The following TLL1 variants were observed in gnomAD, a reference collection of about 807,000 sequenced individuals.
TLL1 encodes the protein tolloid-like protein 1.
TLL1 carries 49 observed loss-of-function variants against 128.2 expected under a neutral mutation model. That is an observed-to-expected ratio of 0.38 (90% confidence interval 0.30 to 0.48). The LOEUF is 0.48. Among genes scored for constraint, TLL1 ranks in the 20% least tolerant of loss-of-function variants. TLL1 has a pLI of 0.96. For missense variants in TLL1, 1,123 were observed against 1,242.0 expected, an observed-to-expected ratio of 0.90 and a Z score of 1.44; for synonymous variants, 454 against 418.8, an observed-to-expected ratio of 1.08 and a Z score of -1.03.
At chr4:165,985,156 C>T (rs369128164) in intron 1 of TLL1, among the ~76,000 whole-genome samples, 23 of 152,028 alleles carry the variant, frequency 1.5e-4, no homozygotes, top group African/African-American at 5.1e-4. Flanking sequence ...TCGAGGAAGC[C>T]GGCTGAAAAC....
intron 16 of TLL1, among the ~76,000 whole-genome samples, chr4:166,067,610 A>G (rs1740627028): frequency 1.3e-5 from 2 of 151,776 alleles, no homozygotes; most frequent in East Asian, 1.9e-4. Context: ...TCACTGATGC[A>G]TACTTAGAAC....
intron 20 of TLL1, among the ~76,000 whole-genome samples, chr4:166,100,513 C>G (rs1288522671): frequency 6.6e-6 from 1 of 152,088 alleles, no homozygotes; most frequent in Admixed American, 6.6e-5. Context: ...ATGTTCAGAG[C>G]TCAGCTACAT....
At chr4:165,980,969 C>T (rs1466835241) in intron 1 of TLL1, among the ~76,000 whole-genome samples, 1 of 152,050 alleles carries the variant, frequency 6.6e-6, no homozygotes, top group Non-Finnish European at 1.5e-5. Flanking sequence ...TTGGTTTGTT[C>T]TGTAAGCCTC....
At chr4:166,012,344 A>G (rs974028597) in intron 7 of TLL1, among the ~76,000 whole-genome samples, 2 of 151,612 alleles carry the variant, frequency 1.3e-5, no homozygotes, top group Non-Finnish European at 3.0e-5. Flanking sequence ...GAAGAAAAGC[A>G]TGAGTGACTA....
chr4:165,920,520 TG>T (rs1732997924), intron 1 of TLL1, among the ~76,000 whole-genome samples: 1 of 152,092 alleles, frequency 6.6e-6, no homozygotes, highest in Non-Finnish European at 1.5e-5. Context: ...ACAATAGAAA[TG>T]GTAGAAATAA....
At chr4:166,084,831 G>T (rs1225289453) in intron 18 of TLL1, among the ~76,000 whole-genome samples, 10 of 151,606 alleles carry the variant, frequency 6.6e-5, no homozygotes, top group African/African-American at 2.4e-4. Context: ...TCTAACTTTG[G>T]TTTTTTTGTT....
At chr4:166,025,803 C>T (rs1481678827) in intron 9 of TLL1, among the ~76,000 whole-genome samples, 1 of 151,806 alleles carries the variant, frequency 6.6e-6, no homozygotes, top group Non-Finnish European at 1.5e-5. Context: ...AAACTATTTT[C>T]AACTATAATA....
chr4:166,000,645 A>G (rs1372892530), intron 5 of TLL1, among the ~76,000 whole-genome samples: 5 of 152,206 alleles, frequency 3.3e-5, no homozygotes, highest in Non-Finnish European at 7.3e-5. Flanking sequence ...TAATCATCAG[A>G]TGCTTCAGTT....
intron 1 of TLL1, among the ~76,000 whole-genome samples, chr4:165,968,809 C>T (rs896571844): frequency 9.2e-5 from 14 of 152,094 alleles, no homozygotes; most frequent in Admixed American, 4.6e-4. Flanking sequence ...AGAGTTTCTC[C>T]CATTCTGTGA....
intron 17 of TLL1, 110 bp downstream of exon 17, chr4:166,075,113 G>A: frequency 1.3e-6 from 2 of 1,509,884 alleles, no homozygotes; most frequent in Non-Finnish European, 1.8e-6. Context: ...ATCATGGTGG[G>A]CTATCCAAAT....
At chr4:166,084,704 T>C (rs1043494054) in intron 18 of TLL1, among the ~76,000 whole-genome samples, 1 of 152,168 alleles carries the variant, frequency 6.6e-6, no homozygotes, top group Non-Finnish European at 1.5e-5. Flanking sequence ...TGTGTGGATT[T>C]ATTTCTGGAC....
intron 1 of TLL1, among the ~76,000 whole-genome samples, chr4:165,913,987 C>A (rs1375544107): frequency 6.6e-6 from 1 of 151,544 alleles, no homozygotes; most frequent in Non-Finnish European, 1.5e-5. Context: ...GCACTCCAGC[C>A]TGGATGCCTG....
In TLL1 at chr4:166,055,150, A is replaced by G. The variant is rs1739944273; in HGVS notation, c.1599A>G (p.Ile533Met). Residue 533 changes from isoleucine (I) to methionine (M), a missense_variant, in exon 13 of 21, where the codon ATA becomes ATG. Ile to Met is a conservative substitution (Grantham distance 10, BLOSUM62 1). Transcript: ENST00000061240. ...RDGTSENSPLIGRFCGYDKPE... is the reference protein window; with the variant it reads ...RDGTSENSPLMGRFCGYDKPE... ...GAACCAGTGAAAATAGCCCTTTGATAGGGCGTTTCTGTGGTTATGACAAAC... is the reference window on the plus strand; with the variant it reads ...GAACCAGTGAAAATAGCCCTTTGATGGGGCGTTTCTGTGGTTATGACAAAC... 1 of 1,613,362 alleles carries G rather than the reference A, an allele frequency of 6.2e-7. No homozygotes were observed. The highest frequency in any genetic ancestry group is 8.5e-7 in the Non-Finnish European group (1 of 1,179,686).
At position 166,014,529 on chromosome 4, in the gene TLL1, C is replaced by A. The variant is rs541355348; in HGVS notation, c.1011C>A (p.Ile337=). 1.2e-6 allele frequency: 2 copies of A among 1,612,204 alleles called. No individual in the cohort carries two copies. Among genetic ancestry groups the A allele is most frequent in the Non-Finnish European group, 1.7e-6 (2 of 1,178,690 alleles). ...GQRTRLSKGD[I]AQARKLYRCP... is the part of the protein sequence containing the mutation. ...GAACCCGTCTAAGCAAAGGAGATAT[C>A]GCACAGGCAAGAAAGCTGTATAGAT... Residue 337 remains isoleucine, a synonymous_variant, in exon 8 of 21, where the codon ATC becomes ATA. Transcript: ENST00000061240.
intron 1 of TLL1, among the ~76,000 whole-genome samples, chr4:165,894,437 A>G (rs1731573133): frequency 6.6e-6 from 1 of 152,194 alleles, no homozygotes; most frequent in Admixed American, 6.5e-5. Context: ...TTAAATAATG[A>G]AAGAAATGCA....
Position 166,001,089 on chromosome 4 carries a change from A to G in TLL1, c.633-2302A>G, listed in dbSNP as rs950444430. Among the ~76,000 whole-genome samples, 5 of 152,288 alleles carry G rather than the reference A, an allele frequency of 3.3e-5. No homozygotes were observed. The East Asian group carries it at 9.7e-4, about 30-fold the overall frequency. ...TTTGTGGAAAATCAAAAGGGCTGTC[A>G]AATGTCCTTATCCCAGAAATTGAAA... On this transcript the variant is annotated intron_variant, in intron 5 of 20. Coordinates refer to ENST00000061240, the MANE Select transcript of TLL1 (RefSeq NM_012464.5).
intron 1 of TLL1, among the ~76,000 whole-genome samples, chr4:165,976,154 A>T (rs1322893784): frequency 6.6e-6 from 1 of 152,106 alleles, no homozygotes; most frequent in Admixed American, 6.5e-5. Flanking sequence ...CACACAGAGC[A>T]ACTGAAAAGA....
intron 1 of TLL1, among the ~76,000 whole-genome samples, chr4:165,880,135 G>A (rs1039294927): frequency 6.6e-6 from 1 of 152,180 alleles, no homozygotes; most frequent in Non-Finnish European, 1.5e-5. Context: ...CCAGAAAGCA[G>A]GAGGAGAGAA....
chr4:166,012,500 G>C (rs1415211056), intron 7 of TLL1, among the ~76,000 whole-genome samples: 2 of 151,308 alleles, frequency 1.3e-5, no homozygotes, highest in Admixed American at 1.3e-4. Context: ...GGAAAAAATC[G>C]AACCCCAGAG....
Sources: gnomAD v4.1 joint callset for allele counts (sites outside exome capture counted in the v4.1 genomes callset) on GRCh38, gnomAD v4.1.1 for gene constraint, MANE v1.5 for transcripts, NCBI Gene and HGNC (gene_info 2026-07-23, HGNC 2026-07-21) for gene names.